ANKFN1: variants seen among roughly 807,000 people sequenced by gnomAD.
ANKFN1 encodes ankyrin repeat and fibronectin type-III domain-containing protein 1.
In ANKFN1, 74 loss-of-function variants were observed where a neutral mutation model predicts 108.7. The observed-to-expected ratio is 0.68, with a 90% confidence interval of 0.56 to 0.83. ANKFN1 has a LOEUF of 0.83. Among genes scored for constraint, ANKFN1 ranks in the 40% least tolerant of loss-of-function variants. ANKFN1 has a pLI of 0.00. For missense variants in ANKFN1, 1,505 were observed against 1,382.3 expected, an observed-to-expected ratio of 1.09 and a Z score of -1.41; for synonymous variants, 547 against 516.2, an observed-to-expected ratio of 1.06 and a Z score of -0.81.
intron 1 of ANKFN1, among the ~76,000 whole-genome samples, chr17:56,170,357 A>G (rs1910537188): frequency 6.6e-6 from 1 of 152,082 alleles, no homozygotes; most frequent in African/African-American, 2.4e-5. Flanking sequence ...AGCTATAAGA[A>G]CTCAGAGAGG....
At chr17:56,330,478 A>T (rs954061960) in intron 4 of ANKFN1, among the ~76,000 whole-genome samples, 1 of 152,208 alleles carries the variant, frequency 6.6e-6, no homozygotes, top group African/African-American at 2.4e-5. Flanking sequence ...CAGCCAAGCC[A>T]TATCAAGAAA....
At chr17:56,271,247 C>T (rs2043785876) in intron 3 of ANKFN1, among the ~76,000 whole-genome samples, 1 of 152,122 alleles carries the variant, frequency 6.6e-6, no homozygotes, top group African/African-American at 2.4e-5. Flanking sequence ...GGACTCAGTT[C>T]ACCTACCTCA....
chr17:56,230,532 C>G (rs765159281), intron 3 of ANKFN1, among the ~76,000 whole-genome samples: 63 of 152,092 alleles, frequency 4.1e-4, no homozygotes, highest in Non-Finnish European at 8.2e-4. Flanking sequence ...TGGTGGCAAG[C>G]TTTGGGCCTT....
chr17:56,240,722 T>C (rs1008093464), intron 3 of ANKFN1, among the ~76,000 whole-genome samples: 1 of 152,138 alleles, frequency 6.6e-6, no homozygotes, highest in African/African-American at 2.4e-5. Flanking sequence ...TTTTCTTCAA[T>C]ATGATGGGAG....
At chr17:56,069,918 C>T (rs943251809) in intron 4 of ANKFN1, among the ~76,000 whole-genome samples, 2 of 152,134 alleles carry the variant, frequency 1.3e-5, no homozygotes, top group Non-Finnish European at 2.9e-5. Flanking sequence ...CATGTCTCCC[C>T]TTTTGAGACC....
chr17:56,257,527 A>G (rs1043653648), intron 3 of ANKFN1, among the ~76,000 whole-genome samples: 7 of 152,138 alleles, frequency 4.6e-5, no homozygotes, highest in African/African-American at 1.7e-4. Flanking sequence ...GCATTTTCCA[A>G]CATTCTCCAC....
At position 56,215,509 on chromosome 17, in the gene ANKFN1, T is replaced by G. The variant is rs146589780; in HGVS notation, c.12+2830T>G. Among the ~76,000 whole-genome samples, 1,426 of 152,186 alleles carry G rather than the reference T, an allele frequency of 9.4e-3. 7 individuals are homozygous for G. Among genetic ancestry groups the G allele is most frequent in the Non-Finnish European group, 0.015 (1,002 of 67,990 alleles). ...AATGAAAGGGACAAGAACAGGAAGA[T>G]GGAGGGGCATGGGCCCGAGAAGAAA... On this transcript the variant is annotated intron_variant, in intron 2 of 20. Transcript: ENST00000682825.
chr17:56,489,050 G>A (rs898466333), intron 18 of ANKFN1, among the ~76,000 whole-genome samples: 4 of 152,182 alleles, frequency 2.6e-5, no homozygotes, highest in Non-Finnish European at 5.9e-5. Context: ...GAGGTCACGT[G>A]CCCACTGTCA....
intron 4 of ANKFN1, among the ~76,000 whole-genome samples, chr17:56,055,179 T>C (rs1567778488): frequency 6.6e-6 from 1 of 151,990 alleles, no homozygotes; most frequent in Non-Finnish European, 1.5e-5. Flanking sequence ...ATAGTAAACA[T>C]TGTACCTGAT....
chr17:56,081,271 G>C (rs141802094), intron 4 of ANKFN1, among the ~76,000 whole-genome samples: 25 of 152,324 alleles, frequency 1.6e-4, no homozygotes, highest in African/African-American at 5.8e-4. Flanking sequence ...ACTTGGAAGA[G>C]GCCCAAGCTG....
At chr17:56,353,792 A>G (rs779743953) in intron 5 of ANKFN1, 44 bp from the exon 6 acceptor site, 7 of 1,576,248 alleles carry the variant, frequency 4.4e-6, no homozygotes, top group Non-Finnish European at 6.1e-6. Flanking sequence ...ACAAAGACAC[A>G]CTGGTTTAAG....
At chr17:56,430,547 T>C (rs1567995712) in intron 8 of ANKFN1, among the ~76,000 whole-genome samples, 1 of 147,228 alleles carries the variant, frequency 6.8e-6, no homozygotes, top group Non-Finnish European at 1.5e-5. Flanking sequence ...CAAAGGTAAC[T>C]ATGTGAGAGA....
At chr17:56,104,720 C>T (rs1905709702) in intron 4 of ANKFN1, among the ~76,000 whole-genome samples, 1 of 152,158 alleles carries the variant, frequency 6.6e-6, no homozygotes, top group South Asian at 2.1e-4. Flanking sequence ...TGGCAGAGCC[C>T]TGTGCTTCTG....
At chr17:56,280,402 A>G (rs1339763441) in intron 3 of ANKFN1, among the ~76,000 whole-genome samples, 1 of 152,130 alleles carries the variant, frequency 6.6e-6, no homozygotes, top group Non-Finnish European at 1.5e-5. Flanking sequence ...GCCTTCTAAC[A>G]TCAGAGTTGC....
At chr17:56,238,276 T>C (rs1917303091) in intron 3 of ANKFN1, among the ~76,000 whole-genome samples, 1 of 152,276 alleles carries the variant, frequency 6.6e-6, no homozygotes, top group South Asian at 2.1e-4. Flanking sequence ...TCTGTTGAGG[T>C]CTATCAGATC....
chr17:56,268,088 T>C (rs72833822), intron 3 of ANKFN1, among the ~76,000 whole-genome samples: 34,461 of 151,990 alleles, frequency 0.23, 4,378 homozygotes, highest in African/African-American at 0.35. Flanking sequence ...ATGAACCTAA[T>C]AGATATGTAC....
chr17:56,207,543 C>T (rs1452916850), intron 1 of ANKFN1, among the ~76,000 whole-genome samples: 1 of 152,182 alleles, frequency 6.6e-6, no homozygotes, highest in East Asian at 1.9e-4. Flanking sequence ...TATGCTACTT[C>T]ATTGATAGCC....
At chr17:56,136,432 A>G (rs1907604256) in intron 4 of ANKFN1, among the ~76,000 whole-genome samples, 1 of 152,232 alleles carries the variant, frequency 6.6e-6, no homozygotes, top group African/African-American at 2.4e-5. Context: ...CACCAGAACA[A>G]ATGTCCTGGC....
intron 4 of ANKFN1, among the ~76,000 whole-genome samples, chr17:56,081,890 C>T (rs72827494): frequency 0.097 from 14,770 of 152,240 alleles, 878 homozygotes; most frequent in Non-Finnish European, 0.14. Flanking sequence ...TTAAATTCTG[C>T]CATTTGCCTC....
Sources: allele counts gnomAD v4.1 joint callset (sites outside exome capture counted in the v4.1 genomes callset), GRCh38; gene constraint gnomAD v4.1.1; transcripts MANE v1.5; gene names NCBI Gene and HGNC (gene_info 2026-07-23, HGNC 2026-07-21).